TOM1L1: variants seen among roughly 807,000 people sequenced by gnomAD.
TOM1L1 encodes TOM1-like protein 1.
A neutral mutation model predicts 63.4 loss-of-function variants in TOM1L1; 64 were observed. The observed-to-expected ratio is 1.01, with a 90% CI of 0.83 to 1.24. The LOEUF is 1.24. Ranked by LOEUF, TOM1L1 falls within the 50% of genes most tolerant of loss-of-function variation. The pLI, the probability that TOM1L1 is intolerant of heterozygous loss-of-function variation, is 0.00. For synonymous variants in TOM1L1, 166 were observed against 194.4 expected (o/e 0.85, Z 1.22); for missense variants, 536 against 567.0 (o/e 0.95, Z 0.55).
intron 4 of TOM1L1, among the ~76,000 whole-genome samples, chr17:54,913,507 A>G (rs566332745): frequency 2.0e-5 from 3 of 152,220 alleles, no homozygotes; most frequent in Admixed American, 2.0e-4. Flanking sequence ...CTACTAAAAA[A>G]TACAAAAAGT....
chr17:54,947,659 C>A (rs887296614), intron 12 of TOM1L1, among the ~76,000 whole-genome samples: 1 of 152,196 alleles, frequency 6.6e-6, no homozygotes, highest in Non-Finnish European at 1.5e-5. Flanking sequence ...CTCCTTCTTG[C>A]ACACATGGCT....
At chr17:54,931,960 G>GTTTTTTTTTTTTT (rs1567832256) in intron 8 of TOM1L1, among the ~76,000 whole-genome samples, 2 of 57,762 alleles carry the variant, frequency 3.5e-5, no homozygotes, top group African/African-American at 9.5e-5. Context: ...TTTTTTTTTT[G>GTTTTTTTTTTTTT]TTTGTTTGTT....
At chr17:54,918,370 C>T (rs773915213) in intron 7 of TOM1L1, among the ~76,000 whole-genome samples, 1 of 152,186 alleles carries the variant, frequency 6.6e-6, no homozygotes, top group Non-Finnish European at 1.5e-5. Flanking sequence ...TCAGATATTC[C>T]TCTTAAGGAA....
At chr17:54,900,969 G>T in intron 1 of TOM1L1, 46 bp downstream of exon 1, 1 of 1,612,444 alleles carries the variant, frequency 6.2e-7, no homozygotes, top group Non-Finnish European at 8.5e-7. Context: ...GGGGACCGTG[G>T]GATCCTTTCC....
At chr17:54,943,441 G>GGTGTGTGTGT (rs10694555) in intron 11 of TOM1L1, among the ~76,000 whole-genome samples, 2,156 of 134,388 alleles carry the variant, frequency 0.016, 37 homozygotes, top group South Asian at 0.032. Flanking sequence ...TTTGTATAAT[G>GGTGTGTGTGT]GTGTGTGTGT....
chr17:54,910,880 A>G (rs2048486675), intron 3 of TOM1L1, among the ~76,000 whole-genome samples: 2 of 152,166 alleles, frequency 1.3e-5, no homozygotes, highest in African/African-American at 2.4e-5. Flanking sequence ...CGCTTTATGT[A>G]TTGCCATTAA....
intron 9 of TOM1L1, 56 bp from the exon 10 acceptor site, chr17:54,937,053 G>A: frequency 7.1e-7 from 1 of 1,403,366 alleles, no homozygotes; most frequent in Non-Finnish European, 1.0e-6. Flanking sequence ...GAAAGTATGG[G>A]GAGAAAGCTG....
chr17:54,958,133 GA>G (rs35726440), intron 14 of TOM1L1: 31,721 of 152,104 alleles, frequency 0.21, 3,871 homozygotes, highest in Non-Finnish European at 0.27. Flanking sequence ...CAAGGAAATG[GA>G]AATGCTAAAA....
Position 54,960,614 on chromosome 17 carries a change from T to C in TOM1L1, c.1419T>C (p.Asn473=). 6.2e-7 allele frequency: 1 copy of C among 1,611,230 alleles called. No homozygotes were observed. The change falls in exon 15 of 16, where the codon AAT becomes AAC. Residue 473 remains asparagine, a synonymous_variant. Coordinates refer to ENST00000575882, the MANE Select transcript of TOM1L1 (RefSeq NM_005486.3). Reference sequence around the variant, plus strand: ...CTCACCAGCACAAAGGAGCTCAAAATGATGGTGACTGAGGTAAAGACTTCA... The same window carrying C: ...CTCACCAGCACAAAGGAGCTCAAAACGATGGTGACTGAGGTAAAGACTTCA... ...IDAHQHKGAQ[N]DGD
In TOM1L1 at chr17:54,903,718, A is replaced by C. The variant is rs777549576; in HGVS notation, c.69A>C (p.Thr23=). 7.1e-5 allele frequency: 114 copies of C among 1,614,032 alleles called. No individual in the cohort carries two copies. The highest frequency in any genetic ancestry group is 9.5e-5 in the Non-Finnish European group (112 of 1,180,018). Residue 23 remains threonine (T), a synonymous_variant, in exon 2 of 16, where the codon ACA becomes ACC. Transcript: ENST00000575882. The part of the protein sequence containing the change: ...TSVGHLIEKA[T]FAGVQTEDWG... Reference sequence around the variant, plus strand: ...GCTTTTTCTTGGCAGAAAAGGCTACATTTGCTGGAGTTCAGACTGAAGATT... The same window carrying C: ...GCTTTTTCTTGGCAGAAAAGGCTACCTTTGCTGGAGTTCAGACTGAAGATT...
rs2049189513 is a variant in TOM1L1, at chr17:54,950,029, CT to C, written c.1289-9del. On this transcript the variant is annotated splice_polypyrimidine_tract_variant and intron_variant, in intron 13 of 15. Transcript: ENST00000575882. ...AAAAGCACAATATGTTTACTGGTCT[CT>C]TTTTTTGCCCAAAGCGATGACAAAA... The C allele has an allele frequency of 1.2e-6, 2 of 1,604,352 alleles. No homozygotes were observed. The highest frequency in any genetic ancestry group is 1.7e-6 in the Non-Finnish European group (2 of 1,172,702).
At chr17:54,915,675 C>A in intron 6 of TOM1L1, 71 bp from the exon 7 acceptor site, 1 of 1,057,388 alleles carries the variant, frequency 9.5e-7, no homozygotes, top group South Asian at 2.6e-5. Flanking sequence ...GCAAATGTCC[C>A]ATGGGGGCAG....
rs760817454 is a variant in TOM1L1 at position 54,900,915 on chromosome 17, A to C, written c.50A>C (p.His17Pro). 5 of 1,613,814 alleles carry C rather than the reference A, an allele frequency of 3.1e-6. No individual in the cohort carries two copies. Among genetic ancestry groups the C allele is most frequent in the African/African-American group, 1.3e-5 (1 of 74,930 alleles). The change falls in exon 1 of 16, where the codon CAC becomes CCC. Residue 17 changes from histidine (H) to proline (P), a missense_variant. Coordinates refer to ENST00000575882, the MANE Select transcript of TOM1L1 (RefSeq NM_005486.3). Reference sequence around the variant, plus strand: ...GATCCCTACGCGACCTCCGTGGGCCACCTCATAGGTAAGGAGGCGCGGGGA... The same window carrying C: ...GATCCCTACGCGACCTCCGTGGGCCCCCTCATAGGTAAGGAGGCGCGGGGA... ...HRDPYATSVG[H>P]LIEKATFAGV...
chr17:54,944,984 A>T (rs1336993103), intron 11 of TOM1L1, among the ~76,000 whole-genome samples: 2 of 152,184 alleles, frequency 1.3e-5, no homozygotes, highest in Non-Finnish European at 2.9e-5. Context: ...GAAATTTATT[A>T]TCTCACAGTT....
chr17:54,902,558 T>A (rs1452681015), intron 1 of TOM1L1, among the ~76,000 whole-genome samples: 1 of 152,196 alleles, frequency 6.6e-6, no homozygotes, highest in Non-Finnish European at 1.5e-5. Context: ...CCAAAGTGAT[T>A]GGGATTACAG....
At chr17:54,912,264 C>G (rs960378849) in intron 3 of TOM1L1, among the ~76,000 whole-genome samples, 18 of 152,130 alleles carry the variant, frequency 1.2e-4, no homozygotes, top group Non-Finnish European at 5.9e-5. Flanking sequence ...CAAACCAGGA[C>G]ATTTTTGAAA....
At chr17:54,951,642 A>ATG (rs1383063360) in intron 14 of TOM1L1, among the ~76,000 whole-genome samples, 1 of 152,242 alleles carries the variant, frequency 6.6e-6, no homozygotes, top group Non-Finnish European at 1.5e-5. Context: ...AAAAACCAGT[A>ATG]TGTATCATAA....
Position 54,947,464 on chromosome 17 carries a change from G to A in TOM1L1, c.1182+152G>A, listed in dbSNP as rs2049139561. On this transcript the variant is annotated intron_variant, in intron 12 of 15. Coordinates refer to ENST00000575882, the MANE Select transcript of TOM1L1 (RefSeq NM_005486.3). ...AGATGGTAAGGATCAAAATTTTTTT[G>A]GAGTTTGTATTTGCTATCTCCACTT... The A allele has an allele frequency of 5.2e-6, 4 of 774,532 alleles. No individual in the cohort carries two copies. The Admixed American group carries it at 1.0e-4, about 19-fold the overall frequency. The allele number at this position is 774,532 out of a possible 1,614,324, so 48.0% of individuals were successfully genotyped here.
chr17:54,922,824 G>T (rs777331348), intron 7 of TOM1L1, among the ~76,000 whole-genome samples: 2 of 152,056 alleles, frequency 1.3e-5, no homozygotes. Flanking sequence ...GTTGTTCAAG[G>T]TTCAACAGTA....
Sources: gnomAD v4.1 joint callset for allele counts (sites outside exome capture counted in the v4.1 genomes callset) on GRCh38, gnomAD v4.1.1 for gene constraint, MANE v1.5 for transcripts, NCBI Gene and HGNC (gene_info 2026-07-23, HGNC 2026-07-21) for gene names.